Variants in MTDH observed in about 807,000 individuals in gnomAD.
MTDH encodes metadherin.
Under a neutral mutation model 72.7 loss-of-function variants are expected in MTDH, and 34 were observed. The ratio of observed to expected loss-of-function variants is 0.47; its 90% confidence interval spans 0.36 to 0.62. MTDH has a LOEUF of 0.62. Among genes scored for constraint, MTDH ranks in the 20% least tolerant of loss-of-function variants. The pLI, the probability that MTDH is intolerant of heterozygous loss-of-function variation, is 0.00. For synonymous variants in MTDH, 266 were observed against 268.9 expected, an observed-to-expected ratio of 0.99 and a Z score of 0.10; for missense variants, 677 against 699.4, an observed-to-expected ratio of 0.97 and a Z score of 0.36.
rs1427487797 is a variant in MTDH at position 97,687,619 on chromosome 8, A to G, written c.745+14A>G. 1.3e-6 allele frequency: 2 copies of G among 1,568,992 alleles called. No homozygotes were observed. Among genetic ancestry groups the G allele is most frequent in the Non-Finnish European group, 1.7e-6 (2 of 1,156,672 alleles). On this transcript the variant is annotated intron_variant, in intron 4 of 11. Coordinates refer to ENST00000336273, the MANE Select transcript of MTDH (RefSeq NM_178812.4). ...AGAAGAATAAAGGTATATTAGTGGAACATAAGACAGTGGTACATCAAATCA... is the reference window on the plus strand; with the variant it reads ...AGAAGAATAAAGGTATATTAGTGGAGCATAAGACAGTGGTACATCAAATCA...
intron 1 of MTDH, among the ~76,000 whole-genome samples, chr8:97,659,559 TG>T (rs1417215884): frequency 1.3e-5 from 2 of 152,232 alleles, no homozygotes; most frequent in Non-Finnish European, 2.9e-5. Context: ...TTTCCAACTT[TG>T]TATCCCTGAT....
intron 11 of MTDH, among the ~76,000 whole-genome samples, chr8:97,724,229 G>A (rs1815268005): frequency 6.6e-6 from 1 of 152,178 alleles, no homozygotes; most frequent in African/African-American, 2.4e-5. Context: ...CTCTGCACAT[G>A]TTCTTGAGGC....
At chr8:97,718,124 C>T (rs1167585661) in intron 9 of MTDH, among the ~76,000 whole-genome samples, 1 of 151,586 alleles carries the variant, frequency 6.6e-6, no homozygotes, top group African/African-American at 2.4e-5. Flanking sequence ...AGATCTGCAA[C>T]CTCCGCCTTC....
chr8:97,693,363 G>A (rs1161015515), intron 6 of MTDH, among the ~76,000 whole-genome samples: 3 of 152,200 alleles, frequency 2.0e-5, no homozygotes, highest in African/African-American at 4.8e-5. Flanking sequence ...TTGAGACGGA[G>A]TCTCGCTCTG....
Position 97,708,264 on chromosome 8 carries a change from C to CTTTTTTT in MTDH, c.1272+1543_1272+1549dup, listed in dbSNP as rs71271145. On this transcript the variant is annotated intron_variant, in intron 8 of 11. Transcript: ENST00000336273. ...ACAGGCATGAGCCACCATGCCAGGCCTTTTTTTTTTTTTTTTTTTTTTTTT... is the reference window on the plus strand; with the variant it reads ...ACAGGCATGAGCCACCATGCCAGGCCTTTTTTTTTTTTTTTTTTTTTTTTTTTTTTTT... Among the ~76,000 whole-genome samples the CTTTTTTT allele has an allele frequency of 2.2e-3, 69 of 32,078 alleles. 4 individuals carry two copies. The highest frequency in any genetic ancestry group is 4.1e-3 in the African/African-American group (23 of 5,608). The allele number at this position is 32,078 out of a possible 152,430, so 21.0% of individuals were successfully genotyped here.
chr8:97,679,892 G>A (rs1379866306), intron 2 of MTDH, among the ~76,000 whole-genome samples: 1 of 152,036 alleles, frequency 6.6e-6, no homozygotes, highest in African/African-American at 2.4e-5. Context: ...TTGAGTATTG[G>A]CACTGCTTAT....
At chr8:97,719,989 C>T (rs917576344) in intron 10 of MTDH, among the ~76,000 whole-genome samples, 3 of 150,606 alleles carry the variant, frequency 2.0e-5, no homozygotes, top group African/African-American at 7.3e-5. Flanking sequence ...AAATTAATTA[C>T]ATCATATAAA....
intron 6 of MTDH, chr8:97,696,374 C>G: frequency 1.7e-6 from 1 of 583,856 alleles, no homozygotes; most frequent in Non-Finnish European, 2.2e-6. Flanking sequence ...AACTAATCAA[C>G]ATCAAGTACT....
At chr8:97,703,104 C>T (rs1381151828) in intron 7 of MTDH, among the ~76,000 whole-genome samples, 1 of 152,200 alleles carries the variant, frequency 6.6e-6, no homozygotes, top group East Asian at 1.9e-4. Context: ...ATGGCTCACA[C>T]TTGTAATCCC....
chr8:97,696,281 T>C, intron 6 of MTDH: 1 of 985,216 alleles, frequency 1.0e-6, no homozygotes, highest in Non-Finnish European at 1.2e-6. Context: ...CACACTTAAC[T>C]CTGCTGTTTC....
intron 2 of MTDH, among the ~76,000 whole-genome samples, chr8:97,686,329 C>CT (rs1285999797): frequency 6.6e-6 from 1 of 152,124 alleles, no homozygotes; most frequent in Non-Finnish European, 1.5e-5. Flanking sequence ...CTAATTATGA[C>CT]TTAGTTTACT....
At chr8:97,668,634 A>G (rs1478941895) in intron 2 of MTDH, among the ~76,000 whole-genome samples, 1 of 151,898 alleles carries the variant, frequency 6.6e-6, no homozygotes, top group Non-Finnish European at 1.5e-5. Context: ...GGCTCACTGC[A>G]ACCTCTGCCT....
Position 97,727,936 on chromosome 8 carries a change from T to C in MTDH, c.*3266T>C, listed in dbSNP as rs1278149677. ...TTACCATGTTTACTTTATGCATGCA[T>C]TTTATTGGGGAGGGGAGGTCAGAAT... On this transcript the variant is annotated 3_prime_UTR_variant, in exon 12 of 12. Coordinates refer to ENST00000336273, the MANE Select transcript of MTDH (RefSeq NM_178812.4). The C allele has an allele frequency of 3.3e-5, 5 of 152,130 alleles. No individual in the cohort carries two copies. The highest frequency in any genetic ancestry group is 3.3e-4 in the Admixed American group (5 of 15,256). 9.4% of individuals were successfully genotyped at this position (152,130 alleles called of 1,614,324 possible). A position where few individuals can be genotyped will look rare whatever the true frequency, so the allele number is the denominator to read the frequency against.
chr8:97,657,487 C>CT (rs1673946171), intron 1 of MTDH, among the ~76,000 whole-genome samples: 1 of 151,418 alleles, frequency 6.6e-6, no homozygotes, highest in African/African-American at 2.4e-5. Context: ...GAGAAAACTA[C>CT]TTTTTTTTTC....
chr8:97,702,632 AT>A (rs900511171), intron 7 of MTDH, among the ~76,000 whole-genome samples: 2 of 152,246 alleles, frequency 1.3e-5, no homozygotes, highest in African/African-American at 4.8e-5. Context: ...TTAAAAAGTT[AT>A]TAAAGTTTAC....
rs186496495 is a variant in MTDH at position 97,724,198 on chromosome 8, A to G, written c.1679-402A>G. Among the ~76,000 whole-genome samples the G allele has an allele frequency of 1.8e-4, 27 of 152,256 alleles. No individual in the cohort carries two copies. The East Asian group carries it at 3.3e-3, about 18-fold the overall frequency. ...AACTTTCATGCCTGCCTGCTTGTCT[A>G]TGTGGTCCCTCTCCCTTTTTCTCTG... On this transcript the variant is annotated intron_variant, in intron 11 of 11. Transcript: ENST00000336273.
chr8:97,673,332 G>A (rs1812707349), intron 2 of MTDH, among the ~76,000 whole-genome samples: 1 of 151,762 alleles, frequency 6.6e-6, no homozygotes, highest in Non-Finnish European at 1.5e-5. Context: ...ACGAGCCTGG[G>A]CAACATAGTG....
Position 97,644,589 on chromosome 8 carries a change from G to T in MTDH, c.83G>T (p.Gly28Val). Residue 28 changes from glycine (G) to valine (V), a missense_variant, in exon 1 of 12, where the codon GGC (glycine) becomes GTC (valine). By Grantham distance (109) the Gly-to-Val change is moderately radical. Coordinates refer to ENST00000336273, the MANE Select transcript of MTDH (RefSeq NM_178812.4). The stretch of plus-strand genomic sequence containing the variant: ...CGGCTGCGGGAAATGCTCTCGGTCG[G>T]CCTAGGCTTTCTGCGCACCGAGCTG... The part of the protein sequence containing the change: ...SARLREMLSV[G>V]LGFLRTELGL... 6.2e-7 allele frequency: 1 copy of T among 1,608,626 alleles called. No homozygotes were observed. Among genetic ancestry groups the T allele is most frequent in the South Asian group, 1.1e-5 (1 of 90,630 alleles).
chr8:97,680,531 C>T (rs1563540901), intron 2 of MTDH, among the ~76,000 whole-genome samples: 1 of 152,160 alleles, frequency 6.6e-6, no homozygotes, highest in Non-Finnish European at 1.5e-5. Flanking sequence ...GCACACATGC[C>T]TATACATGTA....
Sources: gnomAD v4.1 joint callset for allele counts (sites outside exome capture counted in the v4.1 genomes callset) on GRCh38, gnomAD v4.1.1 for gene constraint, MANE v1.5 for transcripts, NCBI Gene and HGNC (gene_info 2026-07-23, HGNC 2026-07-21) for gene names.